PRKCA: variants seen among roughly 807,000 people sequenced by gnomAD.
PRKCA encodes protein kinase C alpha type.
A neutral mutation model predicts 87.0 loss-of-function variants in PRKCA; 27 were observed. That is an observed-to-expected ratio of 0.31 (90% CI 0.23 to 0.43). PRKCA has a LOEUF of 0.43. PRKCA is among the 20% of genes least tolerant of loss of function. PRKCA has a pLI of 1.00. For synonymous variants in PRKCA, 329 were observed against 311.1 expected (o/e 1.06, Z -0.61); for missense variants, 518 against 852.3 (o/e 0.61, Z 4.88).
chr17:66,698,393 TA>T (rs1254641183), intron 8 of PRKCA, among the ~76,000 whole-genome samples: 13 of 152,204 alleles, frequency 8.5e-5, no homozygotes, highest in East Asian at 5.8e-4. Context: ...AAAAAGATTA[TA>T]AATCATTTTT....
chr17:66,489,399 C>T (rs898132650), intron 2 of PRKCA, among the ~76,000 whole-genome samples: 40 of 122,488 alleles, frequency 3.3e-4, no homozygotes, highest in Non-Finnish European at 5.7e-4. Flanking sequence ...ATATATATTT[C>T]CCCCCTCAAT....
intron 3 of PRKCA, among the ~76,000 whole-genome samples, chr17:66,534,711 T>A (rs918878081): frequency 6.6e-6 from 1 of 152,084 alleles, no homozygotes; most frequent in African/African-American, 2.4e-5. Flanking sequence ...TTTCTGAATG[T>A]TGGGGCCCAA....
At chr17:66,657,550 A>T (rs5021136) in intron 5 of PRKCA, among the ~76,000 whole-genome samples, 149,074 of 152,262 alleles carry the variant, frequency 0.98, 72,985 homozygotes, top group East Asian at 1. Context: ...TAAGTCACTC[A>T]GCTGGGAGTG....
chr17:66,389,178 C>T (rs1421066808), intron 2 of PRKCA, among the ~76,000 whole-genome samples: 2 of 152,182 alleles, frequency 1.3e-5, no homozygotes, highest in South Asian at 2.1e-4. Flanking sequence ...TTACATCTTC[C>T]TGCAACACCC....
At chr17:66,608,301 G>A (rs1970266890) in intron 3 of PRKCA, among the ~76,000 whole-genome samples, 1 of 152,164 alleles carries the variant, frequency 6.6e-6, no homozygotes, top group Non-Finnish European at 1.5e-5. Context: ...CTGGTTCCAA[G>A]CAAGTCATTA....
rs1002920758 is a variant in PRKCA at position 66,788,824 on chromosome 17, C to G, written c.1714-15C>G. 6.2e-7 allele frequency: 1 copy of G among 1,609,768 alleles called. No homozygotes were observed. Among genetic ancestry groups the G allele is most frequent in the Non-Finnish European group, 8.5e-7 (1 of 1,178,980 alleles). On this transcript the variant is annotated splice_polypyrimidine_tract_variant and intron_variant, in intron 15 of 16. Coordinates refer to ENST00000413366, the MANE Select transcript of PRKCA (RefSeq NM_002737.3). ...TTGACATCCATTGTTCTCCTTTTCTCCTTTTCCTTTCTAGCTGATGACCAA... is the reference window on the plus strand; with the variant it reads ...TTGACATCCATTGTTCTCCTTTTCTGCTTTTCCTTTCTAGCTGATGACCAA...
chr17:66,675,023 C>A (rs946851683), intron 5 of PRKCA, among the ~76,000 whole-genome samples: 7 of 152,242 alleles, frequency 4.6e-5, no homozygotes, highest in Non-Finnish European at 8.8e-5. Context: ...AAAGGCAGAT[C>A]CCAGCAAGCA....
At chr17:66,513,106 C>A (rs767795958) in intron 3 of PRKCA, among the ~76,000 whole-genome samples, 2 of 152,190 alleles carry the variant, frequency 1.3e-5, no homozygotes, top group Admixed American at 1.3e-4. Flanking sequence ...TTGAAAGCAC[C>A]GTGAGAGCAG....
intron 2 of PRKCA, among the ~76,000 whole-genome samples, chr17:66,389,962 GC>G (rs1289988730): frequency 3.1e-4 from 47 of 152,332 alleles, no homozygotes; most frequent in African/African-American, 8.2e-4. Context: ...AGTGGCTCAC[GC>G]CTGTAATCCC....
At chr17:66,726,005 C>T (rs1973738012) in intron 8 of PRKCA, among the ~76,000 whole-genome samples, 1 of 152,058 alleles carries the variant, frequency 6.6e-6, no homozygotes, top group Admixed American at 6.5e-5. Flanking sequence ...GCAGCTGGAG[C>T]TCGGTCTTCT....
At chr17:66,546,725 G>A (rs747003124) in intron 3 of PRKCA, among the ~76,000 whole-genome samples, 7 of 152,042 alleles carry the variant, frequency 4.6e-5, no homozygotes, top group Non-Finnish European at 1.0e-4. Context: ...TCACATTCAC[G>A]TAGACCTGGA....
At chr17:66,706,165 C>A (rs890549702) in intron 8 of PRKCA, among the ~76,000 whole-genome samples, 1 of 152,144 alleles carries the variant, frequency 6.6e-6, no homozygotes, top group Non-Finnish European at 1.5e-5. Flanking sequence ...TTGAGAAATG[C>A]TGGTCAAGAA....
At chr17:66,377,676 A>ATT in intron 2 of PRKCA, among the ~76,000 whole-genome samples, 1 of 128,144 alleles carries the variant, frequency 7.8e-6, no homozygotes, top group Non-Finnish European at 1.6e-5. Flanking sequence ...TAAAATGTCT[A>ATT]TTATATATAT....
Position 66,738,831 on chromosome 17 carries a change from G to A in PRKCA, c.1298G>A (p.Gly433Glu). The A allele has an allele frequency of 6.2e-7, 1 of 1,613,640 alleles. No homozygotes were observed. Among genetic ancestry groups the A allele is most frequent in the African/African-American group, 1.3e-5 (1 of 75,016 alleles). The change falls in exon 11 of 17, where the codon GGA (glycine) becomes GAA (glutamate). Residue 433 changes from glycine to glutamate, a missense_variant. Gly to Glu is a moderately conservative substitution (Grantham distance 98, BLOSUM62 -2). Around this residue, in one of 5 missense-constraint regions of PRKCA, gnomAD observed 300 missense variants for 496.8 expected, o/e 0.60. Coordinates refer to ENST00000413366, the MANE Select transcript of PRKCA (RefSeq NM_002737.3). ...CTCATGTACCACATTCAGCAAGTAG[G>A]AAAATTTAAGGAACCACAAGCAGTG... ...GDLMYHIQQVGKFKEPQAVFY... is the reference protein window; with the variant it reads ...GDLMYHIQQVEKFKEPQAVFY...
rs535966629 is a variant in PRKCA, at chr17:66,575,904, A to G, written c.289-65451A>G. Among the ~76,000 whole-genome samples, 3 of 152,292 alleles carry G rather than the reference A, an allele frequency of 2.0e-5. No individual in the cohort carries two copies. The South Asian group carries it at 6.2e-4, about 32-fold the overall frequency. On this transcript the variant is annotated intron_variant, in intron 3 of 16. Transcript: ENST00000413366. ...GCCAAGGTGGGTGGATCATGAGGTC[A>G]GGAGTTTGAGACCAGCCTAACCAAC... is the stretch of plus-strand genomic sequence containing the variant.
At chr17:66,610,300 C>G (rs925771517) in intron 3 of PRKCA, among the ~76,000 whole-genome samples, 1 of 152,202 alleles carries the variant, frequency 6.6e-6, no homozygotes, top group African/African-American at 2.4e-5. Context: ...GCTTCCATGG[C>G]CTCCCCGGAC....
intron 5 of PRKCA, among the ~76,000 whole-genome samples, chr17:66,673,436 A>G (rs1177183864): frequency 1.3e-5 from 2 of 152,214 alleles, no homozygotes; most frequent in African/African-American, 4.8e-5. Flanking sequence ...CCCTCAGTCC[A>G]GGTTTGTGTA....
At chr17:66,571,044 T>C (rs7219499) in intron 3 of PRKCA, among the ~76,000 whole-genome samples, 91,284 of 152,156 alleles carry the variant, frequency 0.6, 28,715 homozygotes, top group African/African-American at 0.8. Flanking sequence ...CATAAATCTG[T>C]TTGCATAAAC....
intron 2 of PRKCA, among the ~76,000 whole-genome samples, chr17:66,486,762 A>G (rs1916006864): frequency 1.3e-5 from 2 of 152,066 alleles, no homozygotes; most frequent in Non-Finnish European, 2.9e-5. Context: ...GCCTAACAGT[A>G]TATTATACTT....
Sources: allele counts gnomAD v4.1 joint callset (sites outside exome capture counted in the v4.1 genomes callset), GRCh38; gene constraint gnomAD v4.1.1; regional missense constraint gnomAD v4.1.1; transcripts MANE v1.5; gene names NCBI Gene and HGNC (gene_info 2026-07-23, HGNC 2026-07-21).